Variants in LARGE1 observed in about 807,000 individuals in gnomAD.
The protein encoded by LARGE1 is xylosyl- and glucuronyltransferase LARGE1.
In LARGE1, 43 loss-of-function variants were observed where a neutral mutation model predicts 87.6. The ratio of observed to expected loss-of-function variants is 0.49; its 90% CI spans 0.38 to 0.63. The LOEUF (loss-of-function observed/expected upper bound fraction) is 0.63, where lower values mean the gene tolerates loss of function less well. Among genes scored for constraint, LARGE1 ranks in the 30% least tolerant of loss-of-function variants. LARGE1 has a pLI of 0.00. For synonymous variants in LARGE1, 434 were observed against 394.6 expected (o/e 1.10, Z -1.18); for missense variants, 802 against 1,000.2 (o/e 0.80, Z 2.67).
intron 6 of LARGE1, among the ~76,000 whole-genome samples, chr22:33,515,119 A>T (rs1372879735): frequency 7.0e-6 from 1 of 143,882 alleles, no homozygotes; most frequent in Non-Finnish European, 1.5e-5. Flanking sequence ...AGGTGTAGCT[A>T]AAAAAAAAAA....
At chr22:33,841,651 T>G (rs548694758) in intron 1 of LARGE1, among the ~76,000 whole-genome samples, 1 of 152,208 alleles carries the variant, frequency 6.6e-6, no homozygotes, top group African/African-American at 2.4e-5. Flanking sequence ...CCAATTACTA[T>G]AAGCCAGTAT....
intron 2 of LARGE1, chr22:33,725,675 A>G (rs949984852): frequency 6.6e-6 from 1 of 152,224 alleles, no homozygotes; most frequent in Non-Finnish European, 1.5e-5. Flanking sequence ...TGTGAACCGC[A>G]TCGTAATCTC....
chr22:33,379,522 T>G lies in LARGE1; in HGVS notation c.1131+2397A>C, dbSNP rs567881519. On this transcript the variant is annotated intron_variant, in intron 9 of 14. Transcript: ENST00000397394. ...TGCACACCTATGTTTACTGCGGCAC[T>G]ATTCACAATAGCAAAGACTTGGAAC... Among the ~76,000 whole-genome samples, 3 of 152,254 alleles carry G rather than the reference T, an allele frequency of 2.0e-5. No homozygotes were observed. The South Asian group carries it at 6.2e-4, about 32-fold the overall frequency.
At chr22:33,548,817 T>C (rs917459446) in intron 6 of LARGE1, among the ~76,000 whole-genome samples, 1 of 152,176 alleles carries the variant, frequency 6.6e-6, no homozygotes, top group Non-Finnish European at 1.5e-5. Context: ...AAAAAGAGGA[T>C]TATTGGCTGG....
intron 13 of LARGE1, among the ~76,000 whole-genome samples, chr22:33,280,813 G>A (rs1417468959): frequency 6.6e-6 from 1 of 152,198 alleles, no homozygotes; most frequent in Non-Finnish European, 1.5e-5. Context: ...TTTGCTTTAA[G>A]CAGTGGTTCT....
At chr22:33,334,469 C>T in intron 10 of LARGE1, among the ~76,000 whole-genome samples, 2 of 148,726 alleles carry the variant, frequency 1.3e-5, no homozygotes. Context: ...ATGTCATAGA[C>T]AGTGACTTAA....
the LARGE1 span, among the ~76,000 whole-genome samples, chr22:33,116,778 G>A: frequency 2.6e-5 from 4 of 152,302 alleles, no homozygotes; most frequent in South Asian, 4.1e-4. Context: ...TTCATAAAGT[G>A]GGGGTGGAGT....
intron 6 of LARGE1, among the ~76,000 whole-genome samples, chr22:33,528,709 G>A (rs5998996): frequency 0.013 from 2,030 of 152,160 alleles, 48 homozygotes; most frequent in African/African-American, 0.047. Flanking sequence ...GCAGAAGAAA[G>A]CCTAACGGTG....
In LARGE1 at chr22:33,469,019, T is replaced by C. The variant is rs146789387; in HGVS notation, c.788-36754A>G. On this transcript the variant is annotated intron_variant, in intron 6 of 14. Coordinates refer to ENST00000397394, the MANE Select transcript of LARGE1 (RefSeq NM_133642.5). ...CAGAATTAGTCAAAAGGGCTATTAT[T>C]AAAAAGTAAAAAAATAACAGATGCT... 2.8e-3 allele frequency among the ~76,000 whole-genome samples: 430 copies of C among 152,262 alleles called. 2 individuals are homozygous for C. Among genetic ancestry groups the C allele is most frequent in the Middle Eastern group, 0.024 (7 of 294 alleles).
chr22:33,506,012 G>C (rs1451418220), intron 6 of LARGE1, among the ~76,000 whole-genome samples: 2 of 152,018 alleles, frequency 1.3e-5, no homozygotes, highest in Non-Finnish European at 2.9e-5. Context: ...AAATCAAAGT[G>C]GCAGCATTCC....
Position 33,665,921 on chromosome 22 carries a change from G to A in LARGE1, c.107-15253C>T, listed in dbSNP as rs138410352. ...AAAAAGAAAAAAAAAAGCAGAAACAGAGGCTCACTGGGCTTAAGTAAAGTT... is the reference window on the plus strand; with the variant it reads ...AAAAAGAAAAAAAAAAGCAGAAACAAAGGCTCACTGGGCTTAAGTAAAGTT... On this transcript the variant is annotated intron_variant, in intron 2 of 14. Coordinates refer to ENST00000397394, the MANE Select transcript of LARGE1 (RefSeq NM_133642.5). 3.9e-3 allele frequency among the ~76,000 whole-genome samples: 590 copies of A among 151,652 alleles called. 5 individuals carry two copies. Among genetic ancestry groups the A allele is most frequent in the African/African-American group, 0.014 (573 of 41,318 alleles).
intron 1 of LARGE1, among the ~76,000 whole-genome samples, chr22:33,869,277 C>A (rs2064203917): frequency 6.6e-6 from 1 of 152,132 alleles, no homozygotes; most frequent in South Asian, 2.1e-4. Context: ...CCCTACTCCC[C>A]AGGCCCTGAC....
At chr22:33,368,505 G>A (rs2064679133) in intron 9 of LARGE1, among the ~76,000 whole-genome samples, 2 of 137,062 alleles carry the variant, frequency 1.5e-5, no homozygotes, top group South Asian at 4.7e-4. Flanking sequence ...CTGCACCACA[G>A]CCTGGGCAAC....
rs560009660 is a variant in LARGE1, at chr22:33,403,666, C to T, written c.893-19362G>A. Among the ~76,000 whole-genome samples the T allele has an allele frequency of 8.5e-5, 13 of 152,056 alleles. 1 individual carries two copies. The South Asian group carries it at 2.3e-3, about 27-fold the overall frequency. On this transcript the variant is annotated intron_variant, in intron 7 of 14. Coordinates refer to ENST00000397394, the MANE Select transcript of LARGE1 (RefSeq NM_133642.5). The stretch of plus-strand genomic sequence containing the variant: ...TCACCCAGGCTGGAGTGTAGTGGCG[C>T]GATCTCGGCTCACTGCAACCTCTGC...
At chr22:33,186,569 C>A (rs1923487314) in intron 11 of LARGE1, among the ~76,000 whole-genome samples, 1 of 152,130 alleles carries the variant, frequency 6.6e-6, no homozygotes, top group African/African-American at 2.4e-5. Context: ...TAAACACTTT[C>A]TCCTAAAGAT....
intron 6 of LARGE1, among the ~76,000 whole-genome samples, chr22:33,504,233 A>G (rs942172401): frequency 2.0e-5 from 3 of 152,164 alleles, no homozygotes; most frequent in Non-Finnish European, 2.9e-5. Context: ...CTAAAATCCC[A>G]TGAACTATAC....
the LARGE1 span, among the ~76,000 whole-genome samples, chr22:33,068,148 A>C: frequency 6.6e-6 from 1 of 152,098 alleles, no homozygotes; most frequent in Non-Finnish European, 1.5e-5. Flanking sequence ...ACATGGAGGG[A>C]AATCTTTTAT....
At chr22:33,084,735 G>A in the LARGE1 span, among the ~76,000 whole-genome samples, 6 of 152,148 alleles carry the variant, frequency 3.9e-5, no homozygotes, top group East Asian at 1.2e-3. Context: ...ACATTAAAAA[G>A]TAAAAAGAAA....
intron 2 of LARGE1, among the ~76,000 whole-genome samples, chr22:33,709,537 G>A (rs886187828): frequency 2.6e-5 from 4 of 152,024 alleles, no homozygotes; most frequent in African/African-American, 7.2e-5. Flanking sequence ...GCAGTAGCGC[G>A]CTTCCTTCAT....
Sources: allele counts gnomAD v4.1 joint callset (sites outside exome capture counted in the v4.1 genomes callset), GRCh38; gene constraint gnomAD v4.1.1; transcripts MANE v1.5; gene names NCBI Gene and HGNC (gene_info 2026-07-23, HGNC 2026-07-21).